SEC61B: variants seen among roughly 807,000 people sequenced by gnomAD.
The protein encoded by SEC61B is SEC61 translocon subunit beta, also known as protein transport protein Sec61 subunit beta.
In SEC61B, 7 loss-of-function variants were observed where a neutral mutation model predicts 12.6. The ratio of observed to expected loss-of-function variants is 0.55; its 90% CI spans 0.32 to 1.04. The LOEUF (loss-of-function observed/expected upper bound fraction) is 1.04. Ranked by LOEUF, SEC61B falls within the 50% of genes least tolerant of loss-of-function variation. The pLI, the probability that SEC61B is intolerant of heterozygous loss-of-function variation, is 0.05. For synonymous variants in SEC61B, 54 were observed against 50.1 expected (o/e 1.08, Z -0.33); for missense variants, 107 against 130.1 (o/e 0.82, Z 0.86).
intron 2 of SEC61B, among the ~76,000 whole-genome samples, chr9:99,224,589 T>C (rs929385327): frequency 6.6e-6 from 1 of 152,194 alleles, no homozygotes; most frequent in Non-Finnish European, 1.5e-5. Context: ...ACAAGTGAAA[T>C]GGAGAACTGA....
chr9:99,228,055 G>A, intron 3 of SEC61B, 55 bp downstream of exon 3: 3 of 1,346,082 alleles, frequency 2.2e-6, no homozygotes, highest in Non-Finnish European at 2.1e-6. Context: ...GAGCAGCAGT[G>A]GCAGCACTCT....
intron 2 of SEC61B, among the ~76,000 whole-genome samples, chr9:99,224,057 G>A (rs1282928010): frequency 6.6e-6 from 1 of 152,152 alleles, no homozygotes; most frequent in East Asian, 1.9e-4. Context: ...AAGTTGTTTT[G>A]GGATTTTTGA....
intron 3 of SEC61B, 75 bp from the exon 4 acceptor site, chr9:99,230,262 A>T (rs551782901): frequency 1.6e-5 from 14 of 882,638 alleles, no homozygotes; most frequent in South Asian, 6.6e-5. Flanking sequence ...CTTTTCCCCT[A>T]GGCAATCTTT....
At chr9:99,222,992 C>A in intron 2 of SEC61B, 1 of 197,560 alleles carries the variant, frequency 5.1e-6, no homozygotes, top group Non-Finnish European at 1.0e-5. Context: ...GATAACTCGT[C>A]CTACACAAAA....
rs1828830693 is a variant in SEC61B at position 99,222,293 on chromosome 9, C to T, written c.-71C>T. 1.2e-6 allele frequency: 2 copies of T among 1,611,700 alleles called. No homozygotes were observed. The highest frequency in any genetic ancestry group is 1.3e-5 in the African/African-American group (1 of 74,874). On this transcript the variant is annotated 5_prime_UTR_variant, in exon 1 of 4. Transcript: ENST00000223641. Reference sequence around the variant, plus strand: ...GCGGGGCCTGAGTCAGTCTCGCCAGCTGCCGGTCTTTCGGGGGCTCCGTAA... The same window carrying T: ...GCGGGGCCTGAGTCAGTCTCGCCAGTTGCCGGTCTTTCGGGGGCTCCGTAA...
At position 99,227,840 on chromosome 9, in the gene SEC61B, A is replaced by G. The variant is rs186569866; in HGVS notation, c.102-59A>G. ...CTGTGTAATAATGGTAGCATATGTT[A>G]TAATGCTATTCTAATAATTTCCAGA... On this transcript the variant is annotated intron_variant, in intron 2 of 3. Coordinates refer to ENST00000223641, the MANE Select transcript of SEC61B (RefSeq NM_006808.3). 2,075 of 1,189,410 alleles carry G rather than the reference A, an allele frequency of 1.7e-3. 2 individuals are homozygous for G. The highest frequency in any genetic ancestry group is 2.4e-3 in the Admixed American group (132 of 54,460). 73.7% of individuals were successfully genotyped at this position (1,189,410 alleles called of 1,614,324 possible).
intron 2 of SEC61B, among the ~76,000 whole-genome samples, chr9:99,226,336 A>G (rs1588622843): frequency 1.3e-5 from 2 of 152,306 alleles, no homozygotes; most frequent in South Asian, 4.1e-4. Flanking sequence ...CAGAATGTGG[A>G]GTAAAGACCG....
In SEC61B at chr9:99,222,601, A is replaced by G. The variant is rs1315000634; in HGVS notation, c.59A>G (p.Lys20Arg). Residue 20 changes from lysine to arginine, a missense_variant, in exon 2 of 4, where the codon AAA becomes AGA. Transcript: ENST00000223641. ...GGATCCTCAGGGCGCTCTCCCAGCA[A>G]AGCAGTGGCCGCCCGGGCGGCGGGA... The part of the protein sequence containing the change: ...NVGSSGRSPS[K>R]AVAARAAGST... 3.9e-6 allele frequency: 6 copies of G among 1,556,172 alleles called. No homozygotes were observed. The highest frequency in any genetic ancestry group is 5.2e-6 in the Non-Finnish European group (6 of 1,150,034).
In SEC61B at chr9:99,222,484, G is replaced by A. The variant is rs1376229711; in HGVS notation, c.4-62G>A. ...CCCCAGCCTCGGGTGTGGGTGTCTAGGCCGGGGTTCTGGGGCAGGCCTGCC... is the reference window on the plus strand; with the variant it reads ...CCCCAGCCTCGGGTGTGGGTGTCTAAGCCGGGGTTCTGGGGCAGGCCTGCC... On this transcript the variant is annotated intron_variant, in intron 1 of 3. Transcript: ENST00000223641. The A allele has an allele frequency of 8.7e-6, 14 of 1,605,192 alleles. No individual in the cohort carries two copies. The East Asian group carries it at 2.0e-4, about 23-fold the overall frequency.
chr9:99,230,256 T>C, intron 3 of SEC61B, 81 bp from the exon 4 acceptor site: 1 of 821,416 alleles, frequency 1.2e-6, no homozygotes. Context: ...CCTCTACTTT[T>C]CCCCTAGGCA....
At chr9:99,223,346 C>T (rs1470011557) in intron 2 of SEC61B, among the ~76,000 whole-genome samples, 1 of 150,906 alleles carries the variant, frequency 6.6e-6, no homozygotes, top group Non-Finnish European at 1.5e-5. Flanking sequence ...AAAAAAAAAC[C>T]GGGGGGATAC....
rs1017846331 is a variant in SEC61B, at chr9:99,224,648, G to A, written c.101+2005G>A. 4.6e-5 allele frequency among the ~76,000 whole-genome samples: 7 copies of A among 152,226 alleles called. No individual in the cohort carries two copies. In the East Asian group the frequency reaches 1.2e-3, roughly 25 times the overall value. On this transcript the variant is annotated intron_variant, in intron 2 of 3. Coordinates refer to ENST00000223641, the MANE Select transcript of SEC61B (RefSeq NM_006808.3). ...AGTTTTTAAAGTCGTGGGTGTTGGT[G>A]TCATCTTTTAGGATTCAGTGTGATA...
chr9:99,227,930 G>A lies in SEC61B; in HGVS notation c.133G>A (p.Gly45Ser). 6.2e-7 allele frequency: 1 copy of A among 1,614,110 alleles called. No homozygotes were observed. Among genetic ancestry groups the A allele is most frequent in the Non-Finnish European group, 8.5e-7 (1 of 1,180,010 alleles). Residue 45 changes from glycine to serine, a missense_variant, in exon 3 of 4, where the codon GGC becomes AGC. Coordinates refer to ENST00000223641, the MANE Select transcript of SEC61B (RefSeq NM_006808.3). ...TGCCAGCTGTGGGACAAGGAGTGCAGGCCGCACAACCTCGGCAGGCACCGG... is the reference window on the plus strand; with the variant it reads ...TGCCAGCTGTGGGACAAGGAGTGCAAGCCGCACAACCTCGGCAGGCACCGG... The part of the protein sequence containing the change: ...KNASCGTRSA[G>S]RTTSAGTGGM...
chr9:99,227,219 T>C (rs1828907343), intron 2 of SEC61B, among the ~76,000 whole-genome samples: 1 of 146,504 alleles, frequency 6.8e-6, no homozygotes, highest in South Asian at 2.1e-4. Flanking sequence ...TGAGCAGAAA[T>C]TGTACTACTG....
At chr9:99,229,697 T>A (rs1390738134) in intron 3 of SEC61B, among the ~76,000 whole-genome samples, 2 of 152,164 alleles carry the variant, frequency 1.3e-5, no homozygotes, top group Non-Finnish European at 2.9e-5. Context: ...TCTTTTAATT[T>A]TTAATTTTTA....
In SEC61B at chr9:99,227,968, A is replaced by G. The variant is rs1828918479; in HGVS notation, c.171A>G (p.Arg57=). The change falls in exon 3 of 4, where the codon CGA becomes CGG. Residue 57 remains arginine, a synonymous_variant. Transcript: ENST00000223641. ...TTSAGTGGMW[R]FYTEDSPGLK... ...CGGCAGGCACCGGGGGGATGTGGCG[A>G]TTCTACACAGAAGATTCACCTGGGC... The G allele has an allele frequency of 4.3e-6, 7 of 1,614,028 alleles. No individual in the cohort carries two copies. The highest frequency in any genetic ancestry group is 2.7e-5 in the African/African-American group (2 of 75,028).
intron 2 of SEC61B, 66 bp downstream of exon 2, chr9:99,222,709 G>A: frequency 8.9e-7 from 1 of 1,120,332 alleles, no homozygotes; most frequent in Non-Finnish European, 1.2e-6. Flanking sequence ...CGCTGATTCT[G>A]GGGTGGAGAC....
chr9:99,227,279 A>C lies in SEC61B; in HGVS notation c.102-620A>C, dbSNP rs565223707. The stretch of plus-strand genomic sequence containing the variant: ...AAACTCCATCTCAAAAAAAAAAAAA[A>C]AAAAAAAAAAAACAAACTAGTGACA... On this transcript the variant is annotated intron_variant, in intron 2 of 3. Transcript: ENST00000223641. 1.5e-4 allele frequency among the ~76,000 whole-genome samples: 23 copies of C among 151,244 alleles called. No homozygotes were observed. In the South Asian group the frequency reaches 3.3e-3, roughly 22 times the overall value.
intron 2 of SEC61B, among the ~76,000 whole-genome samples, chr9:99,225,601 A>C (rs923349785): frequency 6.6e-6 from 1 of 152,216 alleles, no homozygotes; most frequent in Non-Finnish European, 1.5e-5. Context: ...GGCCAGAAAG[A>C]AAGGGTAAAA....
Sources: allele counts gnomAD v4.1 joint callset (sites outside exome capture counted in the v4.1 genomes callset), GRCh38; gene constraint gnomAD v4.1.1; transcripts MANE v1.5; gene names NCBI Gene and HGNC (gene_info 2026-07-23, HGNC 2026-07-21).